The following PHKA2 variants were observed in gnomAD, a reference collection of about 807,000 sequenced individuals.
PHKA2 encodes the protein phosphorylase b kinase regulatory subunit alpha, liver isoform.
PHKA2 carries 31 observed loss-of-function variants against 102.0 expected under a neutral mutation model. The observed-to-expected ratio is 0.30, with a 90% confidence interval of 0.23 to 0.41. The LOEUF (loss-of-function observed/expected upper bound fraction) is 0.41, where lower values mean the gene tolerates loss of function less well. Ranked by LOEUF, PHKA2 falls within the 10% of genes least tolerant of loss-of-function variation. The probability of loss-of-function intolerance (pLI) is 1.00; values close to 1 mark genes in which losing one functional copy is unlikely to be tolerated. For missense variants in PHKA2, 858 were observed against 1,023.1 expected (o/e 0.84, Z 2.20); for synonymous variants, 455 against 416.2 (o/e 1.09, Z -1.13).
intron 26 of PHKA2, among the ~76,000 whole-genome samples, chrX:18,903,691 C>G (rs935218391): frequency 8.9e-6 from 1 of 112,195 alleles, no homozygotes; most frequent in South Asian, 3.7e-4. Context: ...CAACCAGAGG[C>G]CACTGATGCA....
At position 18,908,953 on chromosome X, in the gene PHKA2, G is replaced by C; in HGVS notation, c.2227-19C>G. ...CAGGAACCTGTTCATACAAGAGCCA[G>C]AAAGCAGGGAGATGGGCTAGGCATG... On this transcript the variant is annotated intron_variant, in intron 20 of 32. Coordinates refer to ENST00000379942, the MANE Select transcript of PHKA2 (RefSeq NM_000292.3). 1 of 1,210,821 alleles carries C rather than the reference G, an allele frequency of 8.3e-7. No individual in the cohort carries two copies. The highest frequency in any genetic ancestry group is 1.8e-5 in the South Asian group (1 of 56,991).
At chrX:18,915,264 G>A (rs1000720628) in intron 19 of PHKA2, 17 of 110,635 alleles carry the variant, frequency 1.5e-4, no homozygotes, top group African/African-American at 4.2e-4. Context: ...GATCGCTTGG[G>A]CCTGGGAGGT....
At chrX:18,952,185 CAAAAAAAAA>C (rs1282109594) in intron 3 of PHKA2, among the ~76,000 whole-genome samples, 1 of 21,506 alleles carries the variant, frequency 4.6e-5, no homozygotes. Flanking sequence ...ATTGTATCTA[CAAAAAAAAA>C]AAAAAAAAAA....
At chrX:18,926,907 C>G (rs1465893584) in intron 13 of PHKA2, among the ~76,000 whole-genome samples, 1 of 111,848 alleles carries the variant, frequency 8.9e-6, no homozygotes, top group Non-Finnish European at 1.9e-5. Flanking sequence ...CCCTCTGGGT[C>G]TGCATCTATT....
chrX:18,927,313 C>T (rs1432557687), intron 13 of PHKA2, among the ~76,000 whole-genome samples: 1 of 112,431 alleles, frequency 8.9e-6, no homozygotes, highest in East Asian at 2.8e-4. Flanking sequence ...GGGGACAACC[C>T]GGGATCGGCT....
At chrX:18,975,970 T>C (rs1364601103) in intron 1 of PHKA2, among the ~76,000 whole-genome samples, 1 of 91,499 alleles carries the variant, frequency 1.1e-5, no homozygotes, top group South Asian at 5.6e-4. Flanking sequence ...TCAAATTCTT[T>C]TTTTTTTTTT....
intron 1 of PHKA2, among the ~76,000 whole-genome samples, chrX:18,963,047 T>C (rs1329041259): frequency 8.9e-6 from 1 of 112,907 alleles, no homozygotes; most frequent in Non-Finnish European, 1.9e-5. Flanking sequence ...TCTTCCGATT[T>C]CAACTCAGGG....
chrX:18,900,562 T>C, intron 28 of PHKA2, 108 bp downstream of exon 28: 1 of 742,808 alleles, frequency 1.3e-6, no homozygotes, highest in Non-Finnish European at 2.1e-6. Context: ...GTTTGCTGGA[T>C]AGAGCCGCCC....
chrX:18,948,127 C>T (rs929627928), intron 5 of PHKA2, among the ~76,000 whole-genome samples: 1 of 111,524 alleles, frequency 9.0e-6, no homozygotes, highest in African/African-American at 3.3e-5. Context: ...CAAACAGCAC[C>T]TGTTCCCCAA....
In PHKA2 at chrX:18,921,102, G is replaced by C. The variant is rs186337088; in HGVS notation, c.1794-901C>G. Among the ~76,000 whole-genome samples the C allele has an allele frequency of 9.6e-3, 1,065 of 111,268 alleles. 10 individuals carry two copies. The highest frequency in any genetic ancestry group is 0.023 in the Middle Eastern group (5 of 217). On this transcript the variant is annotated intron_variant, in intron 17 of 32. Transcript: ENST00000379942. ...TGAGCACCCCCCCCAAGTGGATCCA[G>C]TGGGTATGTAGGGTGAGTTCAGCTT...
At chrX:18,897,614 G>A (rs904058061) in intron 29 of PHKA2, 9 of 364,418 alleles carry the variant, frequency 2.5e-5, no homozygotes, top group African/African-American at 1.3e-4. Context: ...CGAACAGGGC[G>A]AGCACGGGCT....
At chrX:18,947,917 A>C (rs1470884997) in intron 5 of PHKA2, among the ~76,000 whole-genome samples, 1 of 112,091 alleles carries the variant, frequency 8.9e-6, no homozygotes, top group African/African-American at 3.2e-5. Flanking sequence ...ACCAAAGATC[A>C]TATGTTCTCA....
At chrX:18,952,329 C>CAAAA (rs1198542984) in intron 3 of PHKA2, among the ~76,000 whole-genome samples, 165 bp downstream of exon 3, 1 of 35,288 alleles carries the variant, frequency 2.8e-5, no homozygotes, top group Non-Finnish European at 6.2e-5. Context: ...GACCCTGTCT[C>CAAAA]AAAAAAAAAA....
At position 18,903,701 on chromosome X, in the gene PHKA2, A is replaced by T. The variant is rs772088955; in HGVS notation, c.2908+2057T>A. Among the ~76,000 whole-genome samples, 26 of 112,211 alleles carry T rather than the reference A, an allele frequency of 2.3e-4. No individual in the cohort carries two copies. In the East Asian group the frequency reaches 3.9e-3, roughly 17 times the overall value. On this transcript the variant is annotated intron_variant, in intron 26 of 32. Transcript: ENST00000379942. ...GGAGGCAACCAGAGGCCACTGATGC[A>T]CTGCACCAGGCCACCACCTCTCACT...
At chrX:18,925,996 G>C (rs1417747683) in intron 14 of PHKA2, among the ~76,000 whole-genome samples, 1 of 111,567 alleles carries the variant, frequency 9.0e-6, no homozygotes, top group African/African-American at 3.3e-5. Context: ...TACCCAGTTG[G>C]AACTGCATGG....
intron 9 of PHKA2, among the ~76,000 whole-genome samples, chrX:18,939,689 T>G (rs1309431276): frequency 1.8e-5 from 2 of 111,331 alleles, no homozygotes; most frequent in African/African-American, 3.3e-5. Flanking sequence ...GAGATGGGGT[T>G]TCACTGTGTT....
chrX:18,980,451 T>C (rs889510674), intron 1 of PHKA2, among the ~76,000 whole-genome samples: 1 of 112,980 alleles, frequency 8.9e-6, no homozygotes, highest in Non-Finnish European at 1.9e-5. Context: ...AGGCGAGATA[T>C]GCTGGCAGCA....
intron 4 of PHKA2, among the ~76,000 whole-genome samples, chrX:18,949,098 T>C (rs1456531295): frequency 2.7e-5 from 3 of 110,769 alleles, no homozygotes; most frequent in Non-Finnish European, 5.7e-5. Context: ...ATGAGAGAGA[T>C]TTGGGACCTC....
Position 18,893,450 on chromosome X carries a change from A to AGATT in PHKA2, c.*31_*34dup, listed in dbSNP as rs762504306. On this transcript the variant is annotated 3_prime_UTR_variant, in exon 33 of 33. Transcript: ENST00000379942. Reference sequence around the variant, plus strand: ...CCAGTAAGGCTAGGGGGCACGTGACAGATTGAGAGTGTGATCATGTTTCCA... The same window carrying AGATT: ...CCAGTAAGGCTAGGGGGCACGTGACAGATTGATTGAGAGTGTGATCATGTTTCCA... 8.4e-7 allele frequency: 1 copy of AGATT among 1,189,782 alleles called. No homozygotes were observed. Among genetic ancestry groups the AGATT allele is most frequent in the African/African-American group, 1.8e-5 (1 of 56,522 alleles).
Sources: allele counts gnomAD v4.1 joint callset (sites outside exome capture counted in the v4.1 genomes callset), GRCh38; gene constraint gnomAD v4.1.1; transcripts MANE v1.5; gene names NCBI Gene and HGNC (gene_info 2026-07-23, HGNC 2026-07-21).